SH3BP5: variants seen among roughly 807,000 people sequenced by gnomAD.
SH3BP5 encodes the protein SH3 domain binding protein 5.
SH3BP5 carries 22 observed loss-of-function variants against 43.3 expected under a neutral mutation model. The observed-to-expected ratio is 0.51, with a 90% CI of 0.36 to 0.73. The LOEUF (loss-of-function observed/expected upper bound fraction) is 0.73, where lower values mean the gene tolerates loss of function less well. Ranked by LOEUF, SH3BP5 falls within the 30% of genes least tolerant of loss-of-function variation. SH3BP5 has a pLI of 0.00. For synonymous variants in SH3BP5, 255 were observed against 225.8 expected, an observed-to-expected ratio of 1.13 and a Z score of -1.16; for missense variants, 529 against 586.9, an observed-to-expected ratio of 0.90 and a Z score of 1.02.
At chr3:15,330,753 A>C (rs902784629) in intron 1 of SH3BP5, 187 bp from the exon 2 acceptor site, 1 of 985,242 alleles carries the variant, frequency 1.0e-6, no homozygotes, top group African/African-American at 1.7e-5. Context: ...CATTTCTGAA[A>C]CCATTTTCTT....
intron 3 of SH3BP5, among the ~76,000 whole-genome samples, chr3:15,278,101 G>T (rs1317641859): frequency 6.6e-6 from 1 of 152,206 alleles, no homozygotes; most frequent in Non-Finnish European, 1.5e-5. Flanking sequence ...CCGGGGCAAG[G>T]CCCCTGCTCG....
At chr3:15,323,127 CAAAT>C (rs141252585) in intron 2 of SH3BP5, among the ~76,000 whole-genome samples, 50,883 of 145,978 alleles carry the variant, frequency 0.35, 9,127 homozygotes, top group East Asian at 0.57. Context: ...GACCCTGTCT[CAAAT>C]AAATAAATAA....
intron 3 of SH3BP5, among the ~76,000 whole-genome samples, chr3:15,292,197 G>A (rs1697430832): frequency 6.6e-6 from 1 of 152,198 alleles, no homozygotes; most frequent in Non-Finnish European, 1.5e-5. Context: ...GAGTACAGTT[G>A]AGAAGAAGGA....
intron 4 of SH3BP5, among the ~76,000 whole-genome samples, chr3:15,263,018 CAGACTA>C (rs1461328517): frequency 6.6e-6 from 1 of 152,134 alleles, no homozygotes; most frequent in African/African-American, 2.4e-5. Context: ...AATTAGTGGT[CAGACTA>C]AGAATAAACC....
At chr3:15,311,290 G>A (rs1256907857) in intron 2 of SH3BP5, among the ~76,000 whole-genome samples, 1 of 152,202 alleles carries the variant, frequency 6.6e-6, no homozygotes, top group Non-Finnish European at 1.5e-5. Context: ...TGGAGGCCAG[G>A]TGCGGTGGCT....
chr3:15,333,903 A>G (rs1698668932), upstream of SH3BP5, among the ~76,000 whole-genome samples: 1 of 152,228 alleles, frequency 6.6e-6, no homozygotes. Context: ...TGGTTTTCCA[A>G]TGATAGATGA....
At position 15,332,412 on chromosome 3, in the gene SH3BP5, G is replaced by A; in HGVS notation, c.-4C>T. 1.3e-6 allele frequency: 2 copies of A among 1,531,956 alleles called. No individual in the cohort carries two copies. Among genetic ancestry groups the A allele is most frequent in the Admixed American group, 2.0e-5 (1 of 50,728 alleles). 94.9% of individuals were successfully genotyped at this position (1,531,956 alleles called of 1,614,324 possible). A position where few individuals can be genotyped will look rare whatever the true frequency, so the allele number is the denominator to read the frequency against. On this transcript the variant is annotated 5_prime_UTR_variant, in exon 1 of 9. Transcript: ENST00000383791. ...TCCGCTTCAGTGCCGCGTCCATGCA[G>A]GCAGCCGGCACGCGCGCCGCGCAGT...
chr3:15,332,057 C>G (rs967361408), intron 1 of SH3BP5: 2 of 726,838 alleles, frequency 2.8e-6, no homozygotes, highest in East Asian at 3.1e-5. Flanking sequence ...GGGGACTCCC[C>G]GCAATAGAGT....
chr3:15,336,283 G>A (rs1047090157), upstream of SH3BP5, among the ~76,000 whole-genome samples: 5 of 152,214 alleles, frequency 3.3e-5, no homozygotes, highest in Admixed American at 2.6e-4. Context: ...ATGTGGGTAG[G>A]ACAGAGACAG....
upstream of SH3BP5, chr3:15,333,155 T>C (rs1698658357): frequency 9.1e-6 from 9 of 985,402 alleles, no homozygotes; most frequent in Non-Finnish European, 1.1e-5. Flanking sequence ...GTAACCCCTG[T>C]TGATGGGCAC....
Position 15,332,299 on chromosome 3 carries a change from T to G in SH3BP5, c.110A>C (p.Glu37Ala). The change falls in exon 1 of 9, where the codon GAG becomes GCG. Residue 37 changes from glutamate (E) to alanine (A), a missense_variant. By Grantham distance (107) the Glu-to-Ala change is moderately radical (BLOSUM62 -1). Transcript: ENST00000383791. ...EEEGMEQGLE[E>A]EEEVDPRIQG... is the part of the protein sequence containing the mutation. ...GATCCGGGGATCCACCTCTTCTTCC[T>G]CCTCCAGCCCCTGCTCCATCCCCTC... 6.5e-7 allele frequency: 1 copy of G among 1,548,344 alleles called. No homozygotes were observed. The highest frequency in any genetic ancestry group is 8.7e-7 in the Non-Finnish European group (1 of 1,149,126).
At chr3:15,294,468 G>C (rs1327868647) in intron 3 of SH3BP5, among the ~76,000 whole-genome samples, 1 of 151,874 alleles carries the variant, frequency 6.6e-6, no homozygotes, top group Non-Finnish European at 1.5e-5. Context: ...CCAGTAAACT[G>C]TCACCGCCAT....
chr3:15,339,184 G>A (rs1476839009), intron 1 of SH3BP5, among the ~76,000 whole-genome samples: 1 of 152,148 alleles, frequency 6.6e-6, no homozygotes, highest in Non-Finnish European at 1.5e-5. Flanking sequence ...TTAATTTAGC[G>A]ATTCAGTGAC....
rs546041748 is a variant in SH3BP5 at position 15,316,453 on chromosome 3, G to A, written c.202-12222C>T. Reference sequence around the variant, plus strand: ...TTGGTCAGGCTGGTCTCGAACTCCTGACCTCGTGATCCGCTGGCCTCGGCC... The same window carrying A: ...TTGGTCAGGCTGGTCTCGAACTCCTAACCTCGTGATCCGCTGGCCTCGGCC... On this transcript the variant is annotated intron_variant, in intron 2 of 8. Coordinates refer to ENST00000383791, the MANE Select transcript of SH3BP5 (RefSeq NM_004844.5). 1.2e-3 allele frequency among the ~76,000 whole-genome samples: 177 copies of A among 152,032 alleles called. 1 individual carries two copies. The highest frequency in any genetic ancestry group is 4.1e-3 in the African/African-American group (171 of 41,486).
chr3:15,335,819 T>G (rs1342949669), upstream of SH3BP5, among the ~76,000 whole-genome samples: 1 of 152,028 alleles, frequency 6.6e-6, no homozygotes, highest in Non-Finnish European at 1.5e-5. Flanking sequence ...CAGTAAAGAG[T>G]GGCTACCTCT....
rs1337185072 is a variant in SH3BP5 at position 15,254,708 on chromosome 3, A to G, written c.*1378T>C. The G allele has an allele frequency of 6.6e-6, 1 of 152,142 alleles. No homozygotes were observed. Among genetic ancestry groups the G allele is most frequent in the African/African-American group, 2.4e-5 (1 of 41,388 alleles). The allele number at this position is 152,142 out of a possible 1,614,324, so 9.4% of individuals were successfully genotyped here. On this transcript the variant is annotated 3_prime_UTR_variant, in exon 9 of 9. Transcript: ENST00000383791. The stretch of plus-strand genomic sequence containing the variant: ...ATTCAAACCTTGGTAAACAAGGCTT[A>G]AATTATTACTGTTCATGACCTTAAT...
Position 15,257,072 on chromosome 3 carries a change from C to G in SH3BP5, c.931G>C (p.Val311Leu), listed in dbSNP as rs139882327. 5 of 1,614,198 alleles carry G rather than the reference C, an allele frequency of 3.1e-6. No individual in the cohort carries two copies. Among genetic ancestry groups the G allele is most frequent in the Non-Finnish European group, 4.2e-6 (5 of 1,180,036 alleles). ...AFEDDSCSNF[V>L]SEDDSETQSV... ...TGGGTTTCCGAGTCATCTTCAGACA[C>G]AAAGTTGCTACAGCTGTCATCTTCA... The change falls in exon 8 of 9, where the codon GTG becomes CTG. Residue 311 changes from valine to leucine, a missense_variant. Transcript: ENST00000383791.
intron 3 of SH3BP5, among the ~76,000 whole-genome samples, chr3:15,292,686 T>C (rs112357209): frequency 0.078 from 11,839 of 152,048 alleles, 1,505 homozygotes; most frequent in African/African-American, 0.26. Context: ...CCATCTCTAC[T>C]AAAAATACAA....
At chr3:15,329,161 A>C (rs956781869) in intron 2 of SH3BP5, among the ~76,000 whole-genome samples, 3 of 149,616 alleles carry the variant, frequency 2.0e-5, no homozygotes, top group African/African-American at 7.3e-5. Context: ...AAAAAAAAAA[A>C]ATTTTAATTA....
Sources: allele counts gnomAD v4.1 joint callset (sites outside exome capture counted in the v4.1 genomes callset), GRCh38; gene constraint gnomAD v4.1.1; transcripts MANE v1.5; gene names NCBI Gene and HGNC (gene_info 2026-07-23, HGNC 2026-07-21).